Variants in ESRRG observed in about 807,000 individuals in gnomAD.
The protein encoded by ESRRG is estrogen-related receptor gamma.
Under a neutral mutation model 44.0 loss-of-function variants are expected in ESRRG, and 13 were observed. The ratio of observed to expected loss-of-function variants is 0.30; its 90% CI spans 0.19 to 0.47. ESRRG has a LOEUF of 0.47. ESRRG is among the 20% of genes least tolerant of loss of function. The pLI is 1.00. For missense variants in ESRRG, 395 were observed against 580.6 expected, an observed-to-expected ratio of 0.68 and a Z score of 3.29; for synonymous variants, 215 against 214.6, an observed-to-expected ratio of 1.00 and a Z score of -0.02.
intron 1 of ESRRG, among the ~76,000 whole-genome samples, chr1:217,048,186 G>T (rs563592027): frequency 1.3e-5 from 2 of 152,256 alleles, no homozygotes; most frequent in South Asian, 4.1e-4. Flanking sequence ...AGGTAGTACA[G>T]CAGGATCTAG....
At chr1:216,733,170 C>G (rs1033379732) in intron 2 of ESRRG, among the ~76,000 whole-genome samples, 2 of 151,942 alleles carry the variant, frequency 1.3e-5, no homozygotes, top group African/African-American at 4.8e-5. Flanking sequence ...TACAACATAA[C>G]AGCTTTCAAA....
chr1:216,719,702 C>T (rs757093305), intron 1 of ESRRG, among the ~76,000 whole-genome samples: 7 of 151,780 alleles, frequency 4.6e-5, no homozygotes, highest in Non-Finnish European at 1.0e-4. Context: ...AACAATGATA[C>T]CTTATTTGGG....
At chr1:217,102,114 C>T (rs907142146) in intron 1 of ESRRG, among the ~76,000 whole-genome samples, 1 of 152,190 alleles carries the variant, frequency 6.6e-6, no homozygotes, top group African/African-American at 2.4e-5. Context: ...CCTAAACCAA[C>T]TTTTTAAAAT....
chr1:216,869,821 T>A lies in ESRRG; in HGVS notation c.-14+69761A>T, dbSNP rs908161633. 6.6e-5 allele frequency among the ~76,000 whole-genome samples: 10 copies of A among 152,142 alleles called. No individual in the cohort carries two copies. In the East Asian group the frequency reaches 1.2e-3, roughly 18 times the overall value. ...ATTTTTGGAGCTATTATAATTTTTT[T>A]AAATTTTTTAAGTGCACTTTCCAAT... On this transcript the variant is annotated intron_variant, in intron 2 of 7. Coordinates refer to the ESRRG transcript ENST00000359162.
chr1:216,805,511 G>C (rs2094760543), intron 2 of ESRRG: 1 of 152,158 alleles, frequency 6.6e-6, no homozygotes, highest in Admixed American at 6.6e-5. Flanking sequence ...CACAAGTCCA[G>C]GCGGGTCACA....
At chr1:216,971,749 C>T (rs540923652) in intron 1 of ESRRG, among the ~76,000 whole-genome samples, 25 of 152,268 alleles carry the variant, frequency 1.6e-4, no homozygotes, top group African/African-American at 6.0e-4. Context: ...ATTGATTTCT[C>T]CCCAGTAGGA....
At chr1:217,088,432 A>T (rs1370584833) in intron 1 of ESRRG, among the ~76,000 whole-genome samples, 1 of 97,152 alleles carries the variant, frequency 1.0e-5, no homozygotes, top group Non-Finnish European at 1.9e-5. Context: ...TTTTTGAGAG[A>T]GAGAGAGAGA....
chr1:216,648,753 A>C (rs562641751), intron 3 of ESRRG, among the ~76,000 whole-genome samples: 1 of 152,246 alleles, frequency 6.6e-6, no homozygotes, highest in East Asian at 1.9e-4. Context: ...ATAGATCAAT[A>C]CCACATCAAT....
chr1:216,892,578 G>T (rs2057942185), intron 2 of ESRRG, among the ~76,000 whole-genome samples: 1 of 152,132 alleles, frequency 6.6e-6, no homozygotes, highest in Non-Finnish European at 1.5e-5. Context: ...AGTGGATGTT[G>T]GGGGTTTGGA....
At chr1:216,664,627 T>G (rs903108588) in intron 2 of ESRRG, among the ~76,000 whole-genome samples, 7 of 149,930 alleles carry the variant, frequency 4.7e-5, no homozygotes, top group African/African-American at 1.5e-4. Context: ...ATTTGGCATA[T>G]CTATAAAATC....
chr1:216,797,779 T>C (rs909310382), intron 2 of ESRRG, among the ~76,000 whole-genome samples: 4 of 152,148 alleles, frequency 2.6e-5, no homozygotes, highest in African/African-American at 9.7e-5. Flanking sequence ...GATGCTGACC[T>C]TGATCACCTG....
intron 1 of ESRRG, among the ~76,000 whole-genome samples, chr1:217,075,018 G>A (rs6679890): frequency 0.32 from 48,661 of 151,850 alleles, 8,290 homozygotes; most frequent in East Asian, 0.68. Context: ...TGCATATACC[G>A]AAGCCTAAAC....
At chr1:216,933,281 T>A (rs933786698) in intron 2 of ESRRG, among the ~76,000 whole-genome samples, 2 of 152,162 alleles carry the variant, frequency 1.3e-5, no homozygotes, top group Admixed American at 1.3e-4. Context: ...CTAAATGGAC[T>A]ATAAACCATT....
At chr1:216,570,407 TG>T (rs1422830032) in intron 3 of ESRRG, among the ~76,000 whole-genome samples, 3 of 152,236 alleles carry the variant, frequency 2.0e-5, no homozygotes, top group Admixed American at 6.5e-5. Flanking sequence ...TCTAATGTTC[TG>T]TTTTTATTGC....
At chr1:216,768,488 A>ATCTATCTATCTATCTG (rs2093218167) in intron 2 of ESRRG, among the ~76,000 whole-genome samples, 3 of 150,856 alleles carry the variant, frequency 2.0e-5, no homozygotes, top group African/African-American at 7.3e-5. Context: ...CTATCTATCT[A>ATCTATCTATCTATCTG]TCTATCTATC....
At chr1:216,714,339 A>C (rs2084322235) in intron 1 of ESRRG, among the ~76,000 whole-genome samples, 1 of 152,204 alleles carries the variant, frequency 6.6e-6, no homozygotes, top group Admixed American at 6.5e-5. Flanking sequence ...AAACAGATGA[A>C]TAGAAACAGA....
At chr1:217,119,996 A>T (rs2092798576) in intron 1 of ESRRG, among the ~76,000 whole-genome samples, 1 of 152,246 alleles carries the variant, frequency 6.6e-6, no homozygotes. Context: ...AACAGTAATA[A>T]TAAGTAGATG....
intron 2 of ESRRG, among the ~76,000 whole-genome samples, chr1:216,668,412 T>C (rs1447691784): frequency 6.6e-6 from 1 of 152,220 alleles, no homozygotes; most frequent in Non-Finnish European, 1.5e-5. Context: ...ATGATATGCC[T>C]ATTTTAAATG....
At chr1:216,652,165 G>A (rs562055957) in intron 2 of ESRRG, among the ~76,000 whole-genome samples, 1 of 152,168 alleles carries the variant, frequency 6.6e-6, no homozygotes, top group African/African-American at 2.4e-5. Context: ...CATCAGAGAC[G>A]GTCCGAGCAT....
Sources: allele counts gnomAD v4.1 joint callset (sites outside exome capture counted in the v4.1 genomes callset), GRCh38; gene constraint gnomAD v4.1.1; transcripts MANE v1.5; gene names NCBI Gene and HGNC (gene_info 2026-07-23, HGNC 2026-07-21).